The following RBMS3 variants were observed in gnomAD, a reference collection of about 807,000 sequenced individuals.
The protein encoded by RBMS3 is RNA-binding motif, single-stranded-interacting protein 3.
A neutral mutation model predicts 66.8 loss-of-function variants in RBMS3; 27 were observed. The observed-to-expected ratio is 0.40, with a 90% CI of 0.30 to 0.56. The LOEUF (loss-of-function observed/expected upper bound fraction) is 0.56. Among genes scored for constraint, RBMS3 ranks in the 20% least tolerant of loss-of-function variants. RBMS3 has a pLI of 0.40. For missense variants in RBMS3, 513 were observed against 549.5 expected (o/e 0.93, Z 0.66); for synonymous variants, 188 against 183.0 (o/e 1.03, Z -0.22).
chr3:29,677,330 TAC>T (rs1442314258), intron 4 of RBMS3, among the ~76,000 whole-genome samples: 2 of 152,190 alleles, frequency 1.3e-5, no homozygotes, highest in Non-Finnish European at 2.9e-5. Flanking sequence ...AATCCTGAAT[TAC>T]TATCTGATCG....
chr3:29,833,986 A>G (rs2058439912), intron 6 of RBMS3, among the ~76,000 whole-genome samples: 1 of 152,138 alleles, frequency 6.6e-6, no homozygotes, highest in Non-Finnish European at 1.5e-5. Flanking sequence ...ATCAGACAAG[A>G]AATAGGTTTT....
At chr3:29,634,295 G>A (rs565687145) in intron 4 of RBMS3, among the ~76,000 whole-genome samples, 1 of 151,770 alleles carries the variant, frequency 6.6e-6, no homozygotes, top group South Asian at 2.1e-4. Flanking sequence ...TGTTAATATG[G>A]ACACATTTCT....
chr3:29,373,393 C>T (rs1054260077), intron 1 of RBMS3, among the ~76,000 whole-genome samples: 4 of 152,156 alleles, frequency 2.6e-5, no homozygotes, highest in Non-Finnish European at 5.9e-5. Context: ...TCCCTAACTT[C>T]TGGATGCACA....
At chr3:29,890,200 C>A (rs1457377316) in intron 8 of RBMS3, among the ~76,000 whole-genome samples, 2 of 151,572 alleles carry the variant, frequency 1.3e-5, no homozygotes, top group Non-Finnish European at 3.0e-5. Flanking sequence ...AGTAGGACAC[C>A]AGTAGAACAA....
At chr3:29,515,165 A>G (rs2044573498) in intron 3 of RBMS3, among the ~76,000 whole-genome samples, 1 of 152,220 alleles carries the variant, frequency 6.6e-6, no homozygotes, top group African/African-American at 2.4e-5. Context: ...TGAAAGCTGC[A>G]GGAGGAAGGT....
In RBMS3 at chr3:29,490,214, G is replaced by A. The variant is rs550472065; in HGVS notation, c.307+1715G>A. On this transcript the variant is annotated intron_variant, in intron 3 of 14. Transcript: ENST00000383767. ...TTTTGAGCAGACAAAATATGATTCT[G>A]CAGGTGTTTCGTAATGTTATTTCAG... Among the ~76,000 whole-genome samples the A allele has an allele frequency of 5.4e-5, 8 of 148,720 alleles. No homozygotes were observed. In the South Asian group the frequency reaches 1.7e-3, roughly 31 times the overall value.
chr3:29,378,849 ATAT>A (rs2038621374), intron 1 of RBMS3, among the ~76,000 whole-genome samples: 2 of 93,222 alleles, frequency 2.1e-5, no homozygotes, highest in African/African-American at 3.5e-5. Flanking sequence ...AAACAAAAAA[ATAT>A]ATAAAACCAA....
chr3:29,337,100 G>A (rs1296463380), intron 1 of RBMS3, among the ~76,000 whole-genome samples: 3 of 151,942 alleles, frequency 2.0e-5, no homozygotes, highest in Admixed American at 1.3e-4. Context: ...AACCCCCACA[G>A]CTTATCCCTT....
chr3:29,786,344 A>G (rs2056817914), intron 6 of RBMS3, among the ~76,000 whole-genome samples: 1 of 152,156 alleles, frequency 6.6e-6, no homozygotes, highest in Non-Finnish European at 1.5e-5. Flanking sequence ...AAATAAAAAA[A>G]TCCTAAAATT....
At chr3:29,377,701 T>A (rs545267758) in intron 1 of RBMS3, among the ~76,000 whole-genome samples, 3 of 152,232 alleles carry the variant, frequency 2.0e-5, no homozygotes, top group Non-Finnish European at 4.4e-5. Flanking sequence ...ATCACTGTTA[T>A]CAGGGCAGTC....
At chr3:29,403,677 G>A (rs2039901151) in intron 1 of RBMS3, among the ~76,000 whole-genome samples, 1 of 151,958 alleles carries the variant, frequency 6.6e-6, no homozygotes, top group Admixed American at 6.6e-5. Context: ...TGCAATTAAA[G>A]TTGGAGAAAA....
At position 30,006,213 on chromosome 3, in the gene RBMS3, T is replaced by C. The variant is rs1699798081; in HGVS notation, c.*2351T>C. ...GTACTATAAAACAGGGTAGGCTTTT[T>C]AAAAACTAAAAAGTTTTAAAGGTAA... On this transcript the variant is annotated 3_prime_UTR_variant, in exon 15 of 15. Coordinates refer to ENST00000383767, the MANE Select transcript of RBMS3 (RefSeq NM_001003793.3). 1 of 151,874 alleles carries C rather than the reference T, an allele frequency of 6.6e-6. No homozygotes were observed. The highest frequency in any genetic ancestry group is 1.5e-5 in the Non-Finnish European group (1 of 67,844). 9.4% of individuals were successfully genotyped at this position (151,874 alleles called of 1,614,324 possible). A position where few individuals can be genotyped will look rare whatever the true frequency, so the allele number is the denominator to read the frequency against.
intron 3 of RBMS3, among the ~76,000 whole-genome samples, chr3:29,540,424 C>G (rs1159599351): frequency 6.6e-6 from 1 of 152,116 alleles, no homozygotes; most frequent in Non-Finnish European, 1.5e-5. Context: ...GTATTCTATA[C>G]AACATTTGTT....
intron 3 of RBMS3, among the ~76,000 whole-genome samples, chr3:29,513,144 T>C (rs1369812185): frequency 2.0e-5 from 3 of 152,180 alleles, no homozygotes; most frequent in Non-Finnish European, 4.4e-5. Flanking sequence ...TGGCGGATTT[T>C]TATGTAACTT....
At chr3:29,863,689 T>A (rs1234789238) in intron 6 of RBMS3, among the ~76,000 whole-genome samples, 1 of 152,148 alleles carries the variant, frequency 6.6e-6, no homozygotes, top group Admixed American at 6.5e-5. Context: ...AATCTCACCC[T>A]ATGACTTTTA....
chr3:29,758,830 G>A (rs1232861500), intron 5 of RBMS3, among the ~76,000 whole-genome samples: 1 of 152,148 alleles, frequency 6.6e-6, no homozygotes, highest in African/African-American at 2.4e-5. Flanking sequence ...CTGTGCATAC[G>A]TAAATCTTAC....
At chr3:29,289,571 C>T (rs2032651422) in intron 1 of RBMS3, among the ~76,000 whole-genome samples, 1 of 151,560 alleles carries the variant, frequency 6.6e-6, no homozygotes, top group Non-Finnish European at 1.5e-5. Flanking sequence ...TATAAAAAGG[C>T]TTAAAGAAAA....
intron 6 of RBMS3, among the ~76,000 whole-genome samples, chr3:29,846,106 T>C (rs752692704): frequency 2.9e-4 from 44 of 152,114 alleles, no homozygotes; most frequent in Middle Eastern, 6.8e-3. Context: ...TGTGGAACTA[T>C]TCAAGGTTTT....
intron 1 of RBMS3, among the ~76,000 whole-genome samples, chr3:29,327,917 G>T (rs1235509747): frequency 6.6e-6 from 1 of 152,190 alleles, no homozygotes; most frequent in Non-Finnish European, 1.5e-5. Flanking sequence ...ATTTTTTGAG[G>T]ATGAAATAAA....
Sources: gnomAD v4.1 joint callset for allele counts (sites outside exome capture counted in the v4.1 genomes callset) on GRCh38, gnomAD v4.1.1 for gene constraint, MANE v1.5 for transcripts, NCBI Gene and HGNC (gene_info 2026-07-23, HGNC 2026-07-21) for gene names.